CNTLN: variants seen among roughly 807,000 people sequenced by gnomAD.
CNTLN encodes centlein, also known as centlein, centrosomal protein.
In CNTLN, 212 loss-of-function variants were observed where a neutral mutation model predicts 180.0. That is an observed-to-expected ratio of 1.18 (90% CI 1.05 to 1.32). The LOEUF (loss-of-function observed/expected upper bound fraction) is 1.32. Among genes scored for constraint, CNTLN ranks in the 40% most tolerant of loss-of-function variants. The probability of loss-of-function intolerance (pLI) is 0.00; values close to 1 mark genes in which losing one functional copy is unlikely to be tolerated. For missense variants in CNTLN, 2,095 were observed against 1,610.9 expected (o/e 1.30, Z -5.14); for synonymous variants, 722 against 563.1 (o/e 1.28, Z -3.99).
chr9:17,260,678 A>C (rs1339749651), intron 5 of CNTLN, among the ~76,000 whole-genome samples: 1 of 151,412 alleles, frequency 6.6e-6, no homozygotes, highest in Non-Finnish European at 1.5e-5. Flanking sequence ...TTAGCTATGC[A>C]GAAGCTCTTT....
intron 16 of CNTLN, among the ~76,000 whole-genome samples, chr9:17,413,223 G>A (rs1013678730): frequency 6.6e-6 from 1 of 152,066 alleles, no homozygotes; most frequent in Admixed American, 6.5e-5. Context: ...AAAAAATATA[G>A]GAACCTATAC....
At chr9:17,319,243 A>C (rs1419091036) in intron 8 of CNTLN, among the ~76,000 whole-genome samples, 1 of 152,178 alleles carries the variant, frequency 6.6e-6, no homozygotes, top group Non-Finnish European at 1.5e-5. Flanking sequence ...CTGGCTAAGT[A>C]CTTCTTGTAA....
At chr9:17,188,477 C>G (rs1193371153) in intron 2 of CNTLN, among the ~76,000 whole-genome samples, 1 of 152,022 alleles carries the variant, frequency 6.6e-6, no homozygotes, top group African/African-American at 2.4e-5. Context: ...ACTTATTTTA[C>G]CGATAAGAAT....
chr9:17,418,190 G>A (rs1440740348), intron 18 of CNTLN, among the ~76,000 whole-genome samples: 3 of 151,838 alleles, frequency 2.0e-5, no homozygotes, highest in Non-Finnish European at 2.9e-5. Context: ...AAGTACTTTA[G>A]GAAAGAGTAA....
chr9:17,259,742 G>C (rs1177376569), intron 5 of CNTLN, among the ~76,000 whole-genome samples: 4 of 150,188 alleles, frequency 2.7e-5, no homozygotes, highest in East Asian at 2.0e-4. Flanking sequence ...ATTTCTTCTA[G>C]ATTTTCTAGT....
rs994583061 is a variant in CNTLN at position 17,287,864 on chromosome 9, C to T, written c.984-10326C>T. ...GGATCGCTGGTGATATCCCCTTTATCATTTTTTATTGTGTCTATTTGATTC... is the reference window on the plus strand; with the variant it reads ...GGATCGCTGGTGATATCCCCTTTATTATTTTTTATTGTGTCTATTTGATTC... On this transcript the variant is annotated intron_variant, in intron 6 of 25. Coordinates refer to ENST00000380647, the MANE Select transcript of CNTLN (RefSeq NM_017738.4). Among the ~76,000 whole-genome samples the T allele has an allele frequency of 8.1e-5, 12 of 147,944 alleles. 1 individual carries two copies. The highest frequency in any genetic ancestry group is 3.1e-4 in the African/African-American group (12 of 38,800).
At chr9:17,410,475 T>C (rs1827762095) in intron 16 of CNTLN, among the ~76,000 whole-genome samples, 1 of 152,188 alleles carries the variant, frequency 6.6e-6, no homozygotes, top group African/African-American at 2.4e-5. Flanking sequence ...TATCTTTTCC[T>C]ACTCCATGGT....
intron 18 of CNTLN, chr9:17,444,073 C>T (rs949123593): frequency 1.3e-5 from 2 of 152,044 alleles, no homozygotes; most frequent in Non-Finnish European, 2.9e-5. Flanking sequence ...TTCAAACTAA[C>T]ATAAGAAAAA....
chr9:17,267,458 G>T (rs1341428481), intron 5 of CNTLN, among the ~76,000 whole-genome samples: 1 of 152,052 alleles, frequency 6.6e-6, no homozygotes, highest in Non-Finnish European at 1.5e-5. Flanking sequence ...CTTTCTCTCT[G>T]GCTGCCCTTA....
intron 2 of CNTLN, among the ~76,000 whole-genome samples, chr9:17,200,812 A>G (rs1822470468): frequency 6.6e-6 from 1 of 152,142 alleles, no homozygotes; most frequent in South Asian, 2.1e-4. Flanking sequence ...TCCTATGTGA[A>G]TACCCTTTAT....
intron 19 of CNTLN, among the ~76,000 whole-genome samples, chr9:17,460,882 C>T (rs538457754): frequency 1.3e-5 from 2 of 151,624 alleles, no homozygotes; most frequent in Non-Finnish European, 3.0e-5. Context: ...CAGCAGAAAA[C>T]ACCTTCAGTG....
rs1271373495 is a variant in CNTLN at position 17,487,037 on chromosome 9, T to C, written c.4090T>C (p.Leu1364=). The change falls in exon 25 of 26, where the codon TTG becomes CTG. Residue 1364 remains leucine, a synonymous_variant. Coordinates refer to ENST00000380647, the MANE Select transcript of CNTLN (RefSeq NM_017738.4). ...TGCTGAAAATGACAAGGAATGGATG[T>C]TGTACATTCAGAAACTTCTTGAAGG... is the stretch of plus-strand genomic sequence containing the variant. ...IDAENDKEWM[L]YIQKLLEGQL... 2.5e-6 allele frequency: 4 copies of C among 1,601,592 alleles called. No homozygotes were observed. Among genetic ancestry groups the C allele is most frequent in the Middle Eastern group, 3.3e-4 (2 of 6,016 alleles).
Position 17,280,690 on chromosome 9 carries a change from CTG to C in CNTLN, c.983+6827_983+6828del, listed in dbSNP as rs1828607405. Among the ~76,000 whole-genome samples the C allele has an allele frequency of 4.6e-5, 7 of 152,318 alleles. No individual in the cohort carries two copies. In the South Asian group the frequency reaches 1.5e-3, roughly 32 times the overall value. On this transcript the variant is annotated intron_variant, in intron 6 of 25. Coordinates refer to ENST00000380647, the MANE Select transcript of CNTLN (RefSeq NM_017738.4). ...ACTTAGCCACCCAAGAACTGAGAAA[CTG>C]TGCCCTAGAGCAAGCCATCAGATGG...
At chr9:17,446,118 A>G (rs376795491) in intron 18 of CNTLN, among the ~76,000 whole-genome samples, 1 of 152,170 alleles carries the variant, frequency 6.6e-6, no homozygotes, top group African/African-American at 2.4e-5. Flanking sequence ...TGACCCTGAC[A>G]CATCCCCCTC....
At chr9:17,352,612 G>C (rs894063677) in intron 12 of CNTLN, among the ~76,000 whole-genome samples, 2 of 152,038 alleles carry the variant, frequency 1.3e-5, no homozygotes, top group African/African-American at 2.4e-5. Context: ...GGCATTTAGT[G>C]CATTCACAGT....
intron 6 of CNTLN, among the ~76,000 whole-genome samples, chr9:17,291,068 A>T (rs1454478726): frequency 1.3e-5 from 2 of 152,110 alleles, no homozygotes; most frequent in East Asian, 1.9e-4. Flanking sequence ...TATACCCAGG[A>T]GTCATTCAGG....
At chr9:17,312,427 C>T (rs1819255190) in intron 8 of CNTLN, among the ~76,000 whole-genome samples, 1 of 143,718 alleles carries the variant, frequency 7.0e-6, no homozygotes, top group African/African-American at 2.5e-5. Flanking sequence ...CACTCTGTCG[C>T]CCAGGCTGGA....
intron 5 of CNTLN, among the ~76,000 whole-genome samples, chr9:17,242,925 G>A (rs1452770083): frequency 2.0e-5 from 3 of 152,118 alleles, no homozygotes; most frequent in African/African-American, 7.2e-5. Flanking sequence ...ATTGGTGTTA[G>A]CTCTTATTTA....
At chr9:17,157,072 A>G (rs112684885) in intron 2 of CNTLN, among the ~76,000 whole-genome samples, 6 of 152,318 alleles carry the variant, frequency 3.9e-5, no homozygotes, top group African/African-American at 1.2e-4. Flanking sequence ...ATAGAAAATA[A>G]AGAACGGAAG....
Sources: allele counts gnomAD v4.1 joint callset (sites outside exome capture counted in the v4.1 genomes callset), GRCh38; gene constraint gnomAD v4.1.1; transcripts MANE v1.5; gene names NCBI Gene and HGNC (gene_info 2026-07-23, HGNC 2026-07-21).